The following CLSTN2 variants were observed in gnomAD, a reference collection of about 807,000 sequenced individuals.
CLSTN2 encodes calsyntenin 2, also known as calsyntenin-2.
In CLSTN2, 48 loss-of-function variants were observed where a neutral mutation model predicts 101.2. The observed-to-expected ratio is 0.47, with a 90% CI of 0.38 to 0.60. CLSTN2 has a LOEUF of 0.60. Among genes scored for constraint, CLSTN2 ranks in the 20% least tolerant of loss-of-function variants. CLSTN2 has a pLI of 0.00. For missense variants in CLSTN2, 1,160 were observed against 1,238.2 expected (o/e 0.94, Z 0.95); for synonymous variants, 481 against 463.6 (o/e 1.04, Z -0.48).
chr3:139,999,868 T>A (rs1316382351), intron 1 of CLSTN2, among the ~76,000 whole-genome samples: 1 of 151,818 alleles, frequency 6.6e-6, no homozygotes, highest in Non-Finnish European at 1.5e-5. Flanking sequence ...GGTGGGAGGA[T>A]CACTTGGGCC....
chr3:140,339,555 A>G (rs962245433), intron 2 of CLSTN2, among the ~76,000 whole-genome samples: 1 of 152,106 alleles, frequency 6.6e-6, no homozygotes. Context: ...CATAAACTCG[A>G]CCTACTAAAT....
chr3:140,096,423 T>C (rs1229986307), intron 1 of CLSTN2, among the ~76,000 whole-genome samples: 1 of 152,240 alleles, frequency 6.6e-6, no homozygotes, highest in Non-Finnish European at 1.5e-5. Flanking sequence ...AGAGGATAAA[T>C]GTCATCCTTG....
intron 4 of CLSTN2, among the ~76,000 whole-genome samples, chr3:140,417,604 T>C (rs2088445499): frequency 6.6e-6 from 1 of 152,160 alleles, no homozygotes; most frequent in South Asian, 2.1e-4. Flanking sequence ...TCTTTGAAGG[T>C]GAATTTTTCA....
At chr3:139,966,588 G>T (rs1165571154) in intron 1 of CLSTN2, among the ~76,000 whole-genome samples, 1 of 152,158 alleles carries the variant, frequency 6.6e-6, no homozygotes, top group Non-Finnish European at 1.5e-5. Context: ...GTGTGCTGCT[G>T]GTTGGGTTTG....
At chr3:139,937,720 G>C (rs2107805197) in intron 1 of CLSTN2, among the ~76,000 whole-genome samples, 1 of 152,168 alleles carries the variant, frequency 6.6e-6, no homozygotes, top group South Asian at 2.1e-4. Context: ...CTCCAGCCTG[G>C]GCAACAAGAA....
intron 1 of CLSTN2, among the ~76,000 whole-genome samples, chr3:140,160,682 A>G (rs528650246): frequency 7.3e-5 from 11 of 151,722 alleles, no homozygotes; most frequent in Non-Finnish European, 1.2e-4. Context: ...GTATTGGTGT[A>G]TAAGAAAACC....
intron 1 of CLSTN2, among the ~76,000 whole-genome samples, chr3:140,090,143 A>T (rs2008752578): frequency 7.0e-6 from 1 of 143,086 alleles, no homozygotes; most frequent in Non-Finnish European, 1.5e-5. Context: ...TCTTTCTGGC[A>T]GGAGGTGGGT....
intron 1 of CLSTN2, among the ~76,000 whole-genome samples, chr3:140,001,681 C>A (rs2006843883): frequency 6.6e-6 from 1 of 151,826 alleles, no homozygotes; most frequent in East Asian, 1.9e-4. Context: ...ACTGTAGTCA[C>A]CCTGCTATCA....
intron 10 of CLSTN2, among the ~76,000 whole-genome samples, chr3:140,555,022 G>C (rs1458309171): frequency 3.3e-5 from 5 of 152,172 alleles, no homozygotes; most frequent in African/African-American, 1.2e-4. Context: ...TAATATCTAA[G>C]TGGCTTATAC....
intron 8 of CLSTN2, among the ~76,000 whole-genome samples, chr3:140,511,602 T>G (rs1259828656): frequency 1.4e-5 from 2 of 139,728 alleles, no homozygotes; most frequent in East Asian, 2.1e-4. Flanking sequence ...CAGCGTGGAG[T>G]GCAGTGGTGC....
intron 2 of CLSTN2, among the ~76,000 whole-genome samples, chr3:140,349,119 G>A (rs2087581132): frequency 6.6e-6 from 1 of 152,184 alleles, no homozygotes; most frequent in Admixed American, 6.5e-5. Flanking sequence ...TTTATAGGGG[G>A]CTTCTCCCCA....
intron 1 of CLSTN2, among the ~76,000 whole-genome samples, chr3:140,160,916 T>C (rs1223112366): frequency 1.3e-5 from 2 of 152,206 alleles, no homozygotes; most frequent in African/African-American, 4.8e-5. Context: ...TACTATTTGC[T>C]TTCTTTGGTT....
chr3:139,950,677 A>G (rs1935280986), intron 1 of CLSTN2, among the ~76,000 whole-genome samples: 1 of 152,250 alleles, frequency 6.6e-6, no homozygotes, highest in Non-Finnish European at 1.5e-5. Flanking sequence ...TTCTGAAATG[A>G]AAGGTACTGA....
At chr3:140,543,544 G>A (rs939311402) in intron 9 of CLSTN2, among the ~76,000 whole-genome samples, 5 of 152,216 alleles carry the variant, frequency 3.3e-5, no homozygotes, top group Admixed American at 3.3e-4. Flanking sequence ...AGATGGATGA[G>A]TGGCACCCCA....
intron 2 of CLSTN2, among the ~76,000 whole-genome samples, chr3:140,325,550 TA>T (rs1266601735): frequency 6.6e-6 from 1 of 152,234 alleles, no homozygotes; most frequent in African/African-American, 2.4e-5. Flanking sequence ...CCTCCCCATC[TA>T]ATTAGGAATA....
At chr3:140,209,805 A>G (rs1461977009) in intron 2 of CLSTN2, among the ~76,000 whole-genome samples, 1 of 152,158 alleles carries the variant, frequency 6.6e-6, no homozygotes, top group African/African-American at 2.4e-5. Context: ...AATTCAGTTC[A>G]GGTGGTGACA....
At chr3:140,307,135 G>T (rs142743443) in intron 2 of CLSTN2, among the ~76,000 whole-genome samples, 3 of 152,052 alleles carry the variant, frequency 2.0e-5, no homozygotes, top group Non-Finnish European at 2.9e-5. Context: ...GATATGACTT[G>T]CTCCTCCTTG....
intron 5 of CLSTN2, among the ~76,000 whole-genome samples, chr3:140,432,408 A>G (rs902513489): frequency 6.6e-6 from 1 of 152,166 alleles, no homozygotes; most frequent in Non-Finnish European, 1.5e-5. Context: ...TTTTTCCTCA[A>G]ATAATTGGAA....
rs377360578 is a variant in CLSTN2, at chr3:140,556,687, G to GCCAACTGAGGCAGCAGTTGGGAAGGTC, written c.1823+37_1823+63dup. 31 of 1,608,620 alleles carry GCCAACTGAGGCAGCAGTTGGGAAGGTC rather than the reference G, an allele frequency of 1.9e-5. No homozygotes were observed. In the African/African-American group the frequency reaches 3.2e-4, roughly 17 times the overall value. ...GTGAGTGGACGCTGGTCAGCCTGGG[G>GCCAACTGAGGCAGCAGTTGGGAAGGTC]CCAACTGAGGCAGCAGTTGGGAAGG... On this transcript the variant is annotated intron_variant, in intron 11 of 16. Coordinates refer to ENST00000458420, the MANE Select transcript of CLSTN2 (RefSeq NM_022131.3).
Sources: allele counts gnomAD v4.1 joint callset (sites outside exome capture counted in the v4.1 genomes callset), GRCh38; gene constraint gnomAD v4.1.1; transcripts MANE v1.5; gene names NCBI Gene and HGNC (gene_info 2026-07-23, HGNC 2026-07-21).